EPB41: variants seen among roughly 807,000 people sequenced by gnomAD.
EPB41 encodes the protein erythrocyte membrane protein band 4.1, also known as protein 4.1.
In EPB41, 65 loss-of-function variants were observed where a neutral mutation model predicts 108.0. That is an observed-to-expected ratio of 0.60 (90% CI 0.49 to 0.74). The LOEUF (loss-of-function observed/expected upper bound fraction) is 0.74. Ranked by LOEUF, EPB41 falls within the 30% of genes least tolerant of loss-of-function variation. EPB41 has a pLI of 0.00. For synonymous variants in EPB41, 336 were observed against 358.9 expected (o/e 0.94, Z 0.72); for missense variants, 875 against 1,037.0 (o/e 0.84, Z 2.15).
chr1:29,092,518 GCCATAACAT>G (rs1661642934), intron 16 of EPB41, among the ~76,000 whole-genome samples: 1 of 152,172 alleles, frequency 6.6e-6, no homozygotes, highest in Non-Finnish European at 1.5e-5. Flanking sequence ...GATGTCACTT[GCCATAACAT>G]TTGGCTTTCG....
At chr1:29,058,446 ACCC>A in intron 12 of EPB41, 140 bp from the exon 13 acceptor site, 1 of 752,990 alleles carries the variant, frequency 1.3e-6, no homozygotes, top group South Asian at 1.6e-5. Flanking sequence ...TCCCTGTAAC[ACCC>A]TCCATAAGAC....
chr1:28,915,436 C>T (rs777692301), intron 1 of EPB41, among the ~76,000 whole-genome samples: 1 of 152,040 alleles, frequency 6.6e-6, no homozygotes, highest in Admixed American at 6.6e-5. Flanking sequence ...TGTGGAGAGG[C>T]CGGGTCTGGG....
At chr1:28,891,000 GC>G (rs1402318362) in intron 1 of EPB41, 1 of 985,312 alleles carries the variant, frequency 1.0e-6, no homozygotes, top group Admixed American at 6.1e-5. Context: ...CTGTTGGGTG[GC>G]CCCTGGGGCC....
At chr1:29,105,438 A>G (rs1035211796) in intron 17 of EPB41, among the ~76,000 whole-genome samples, 1 of 151,702 alleles carries the variant, frequency 6.6e-6, no homozygotes, top group Non-Finnish European at 1.5e-5. Flanking sequence ...GGGTTTCACC[A>G]TGTTGGCCAG....
At chr1:28,962,697 G>A (rs1030248211) in intron 1 of EPB41, among the ~76,000 whole-genome samples, 1 of 152,068 alleles carries the variant, frequency 6.6e-6, no homozygotes, top group Non-Finnish European at 1.5e-5. Flanking sequence ...ATTTGACTAG[G>A]TTAGAACTTT....
chr1:29,036,422 G>A (rs1049736133), intron 10 of EPB41, among the ~76,000 whole-genome samples: 8 of 151,814 alleles, frequency 5.3e-5, no homozygotes, highest in African/African-American at 1.9e-4. Context: ...ATCATGCCCA[G>A]CTAATTTTTT....
chr1:29,035,504 G>A (rs773204891), intron 9 of EPB41, among the ~76,000 whole-genome samples: 2 of 151,626 alleles, frequency 1.3e-5, no homozygotes, highest in Non-Finnish European at 2.9e-5. Context: ...CTAAGGAAAA[G>A]CAGTGTCTGG....
chr1:28,908,386 G>T (rs187926008), intron 1 of EPB41, among the ~76,000 whole-genome samples: 2 of 150,420 alleles, frequency 1.3e-5, no homozygotes, highest in African/African-American at 4.9e-5. Context: ...TGGGTTACAG[G>T]GCGAGACTCC....
chr1:29,087,554 G>T (rs986005677), intron 16 of EPB41, among the ~76,000 whole-genome samples: 1 of 151,848 alleles, frequency 6.6e-6, no homozygotes, highest in Non-Finnish European at 1.5e-5. Flanking sequence ...TAGAGACGGG[G>T]TTTCTCCATG....
chr1:28,915,731 C>CTTTTTTTTTTTTT (rs11321625), intron 1 of EPB41, among the ~76,000 whole-genome samples: 1 of 56,076 alleles, frequency 1.8e-5, no homozygotes, highest in Non-Finnish European at 3.1e-5. Flanking sequence ...TTTTCAGATG[C>CTTTTTTTTTTTTT]TTTTTTTTTT....
chr1:29,037,586 CTTT>C (rs56926337), intron 10 of EPB41, among the ~76,000 whole-genome samples: 5 of 142,800 alleles, frequency 3.5e-5, no homozygotes, highest in East Asian at 2.0e-4. Flanking sequence ...ATCAGTTTGC[CTTT>C]TTTTTTTTTT....
At chr1:28,975,636 C>T (rs1389188095) in intron 1 of EPB41, among the ~76,000 whole-genome samples, 2 of 151,966 alleles carry the variant, frequency 1.3e-5, no homozygotes, top group African/African-American at 4.8e-5. Flanking sequence ...CCTGTCTCTT[C>T]CTGTCTCATT....
At chr1:29,061,877 A>G (rs1646636859) in intron 15 of EPB41, among the ~76,000 whole-genome samples, 1 of 152,042 alleles carries the variant, frequency 6.6e-6, no homozygotes, top group Admixed American at 6.6e-5. Flanking sequence ...ACTGGACCCA[A>G]CCTAAACTTT....
At chr1:29,020,215 C>G (rs536532307) in intron 7 of EPB41, among the ~76,000 whole-genome samples, 1 of 151,948 alleles carries the variant, frequency 6.6e-6, no homozygotes, top group East Asian at 1.9e-4. Context: ...TTACAGGCGC[C>G]CACCAACACA....
At chr1:29,054,336 A>G (rs1266709570) in intron 12 of EPB41, 1 of 152,224 alleles carries the variant, frequency 6.6e-6, no homozygotes, top group East Asian at 1.9e-4. Context: ...TGTTGGCAAC[A>G]GGAATTATGA....
intron 16 of EPB41, among the ~76,000 whole-genome samples, chr1:29,068,939 C>A (rs1010585952): frequency 5.3e-5 from 8 of 152,156 alleles, no homozygotes; most frequent in African/African-American, 1.9e-4. Flanking sequence ...TTCGGCCTAA[C>A]ACATAACACT....
rs2151786998 is a variant in EPB41 at position 29,117,583 on chromosome 1, T to C, written c.*771T>C. On this transcript the variant is annotated 3_prime_UTR_variant, in exon 21 of 21. Transcript: ENST00000343067. ...TACCCTTTTACCTCATCAGAAGCAGTGGCTCAGCTAAGTGCTCCCCCTAGC... is the reference window on the plus strand; with the variant it reads ...TACCCTTTTACCTCATCAGAAGCAGCGGCTCAGCTAAGTGCTCCCCCTAGC... 6.5e-6 allele frequency: 1 copy of C among 152,800 alleles called. No homozygotes were observed. Among genetic ancestry groups the C allele is most frequent in the Non-Finnish European group, 1.5e-5 (1 of 68,032 alleles). 9.5% of individuals were successfully genotyped at this position (152,800 alleles called of 1,614,324 possible). A position where few individuals can be genotyped will look rare whatever the true frequency, so the allele number is the denominator to read the frequency against.
intron 16 of EPB41, chr1:29,068,736 A>G: frequency 8.1e-7 from 1 of 1,232,138 alleles, no homozygotes; most frequent in Non-Finnish European, 1.0e-6. Flanking sequence ...TGACCAGGTG[A>G]AGAAAACTTC....
chr1:28,940,748 C>T (rs2094248577), intron 1 of EPB41, among the ~76,000 whole-genome samples: 1 of 152,108 alleles, frequency 6.6e-6, no homozygotes, highest in African/African-American at 2.4e-5. Context: ...GGTGAGTTAT[C>T]CTAGTCCTAA....
Sources: gnomAD v4.1 joint callset for allele counts (sites outside exome capture counted in the v4.1 genomes callset) on GRCh38, gnomAD v4.1.1 for gene constraint, MANE v1.5 for transcripts, NCBI Gene and HGNC (gene_info 2026-07-23, HGNC 2026-07-21) for gene names.